The following GRIK5 variants were observed in gnomAD, a reference collection of about 807,000 sequenced individuals.
GRIK5 encodes glutamate receptor ionotropic, kainate 5.
Under a neutral mutation model 97.4 loss-of-function variants are expected in GRIK5, and 43 were observed. The ratio of observed to expected loss-of-function variants is 0.44; its 90% confidence interval spans 0.35 to 0.57. The LOEUF (loss-of-function observed/expected upper bound fraction) is 0.57. GRIK5 is among the 20% of genes least tolerant of loss of function. GRIK5 has a pLI of 0.01. For synonymous variants in GRIK5, 580 were observed against 583.5 expected (o/e 0.99, Z 0.09); for missense variants, 1,015 against 1,382.0 (o/e 0.73, Z 4.21).
chr19:42,019,424 T>A (rs1218674452), intron 15 of GRIK5, among the ~76,000 whole-genome samples: 1 of 152,224 alleles, frequency 6.6e-6, no homozygotes. Context: ...ATAGCACATT[T>A]TATGTGCATC....
rs771704432 is a variant in GRIK5 at position 42,065,339 on chromosome 19, G to A, written c.128C>T (p.Ala43Val). ...GATCTGCTCCCGGGCCAAGGCCAAG[G>A]CCAGACGCTCACCGCGGCCACACAC... is the stretch of plus-strand genomic sequence containing the variant. ...QTVCGRGERL[A>V]LALAREQING... Residue 43 changes from alanine to valine, a missense_variant, in exon 3 of 20, where the codon GCC (alanine) becomes GTC (valine). This residue lies in a region of GRIK5 where 198 missense variants were observed against 218.2 expected (regional missense o/e 0.91). Transcript: ENST00000593562. The surrounding 1 kb of genome is among the most constrained non-coding windows in gnomAD (Gnocchi z 5.8). The A allele has an allele frequency of 2.5e-6, 4 of 1,609,062 alleles. No homozygotes were observed. Among genetic ancestry groups the A allele is most frequent in the Non-Finnish European group, 3.4e-6 (4 of 1,177,768 alleles).
rs2075404020 is a variant in GRIK5, at chr19:41,999,109, G to A, written c.2705C>T (p.Ala902Val). 2.2e-6 allele frequency: 3 copies of A among 1,385,352 alleles called. No homozygotes were observed. Among genetic ancestry groups the A allele is most frequent in the Non-Finnish European group, 9.3e-7 (1 of 1,075,410 alleles). The allele number at this position is 1,385,352 out of a possible 1,614,324, so 85.8% of individuals were successfully genotyped here. ...SAGAGGDAGS[A>V]HGGPQRLLDD... Reference sequence around the variant, plus strand: ...CAGGAGGCGCTGCGGGCCCCCGTGCGCGCTGCCCGCATCCCCGCCCGCGCC... The same window carrying A: ...CAGGAGGCGCTGCGGGCCCCCGTGCACGCTGCCCGCATCCCCGCCCGCGCC... Residue 902 changes from alanine to valine, a missense_variant, in exon 20 of 20, where the codon GCG becomes GTG. Around this residue, in one of 5 missense-constraint regions of GRIK5, gnomAD observed 229 missense variants for 341.0 expected, o/e 0.67. Coordinates refer to ENST00000593562, the MANE Select transcript of GRIK5 (RefSeq NM_002088.5). The surrounding 1 kb of genome is among the most constrained non-coding windows in gnomAD (Gnocchi z 5.0).
intron 11 of GRIK5, 134 bp downstream of exon 11, chr19:42,053,468 T>G: frequency 1.6e-6 from 1 of 626,498 alleles, no homozygotes; most frequent in East Asian, 2.7e-5. Flanking sequence ...CAACCTGGAG[T>G]TGCTGCGTGC....
chr19:42,064,816 C>T (rs1305196456), intron 3 of GRIK5, among the ~76,000 whole-genome samples: 3 of 152,174 alleles, frequency 2.0e-5, no homozygotes, highest in South Asian at 2.1e-4. Flanking sequence ...CTTGGAGCCA[C>T]GCCACTCTTT....
chr19:42,058,843 A>G (rs1354074764), intron 6 of GRIK5, among the ~76,000 whole-genome samples: 2 of 151,922 alleles, frequency 1.3e-5, no homozygotes, highest in Non-Finnish European at 2.9e-5. Context: ...AAAAAAAAGA[A>G]AAAAGAAAAA....
intron 1 of GRIK5, 86 bp downstream of exon 1, chr19:42,069,155 A>C: frequency 2.5e-6 from 1 of 396,396 alleles, no homozygotes; most frequent in Non-Finnish European, 4.5e-6. Context: ...AACGGGGAGA[A>C]TGTGGTGCCC....
intron 15 of GRIK5, among the ~76,000 whole-genome samples, chr19:42,007,132 T>A (rs1332053530): frequency 1.3e-5 from 2 of 151,880 alleles, no homozygotes; most frequent in East Asian, 3.9e-4. Flanking sequence ...TCTTGCTTTG[T>A]CAGCCAGGAT....
At chr19:42,023,762 A>G (rs1020136300) in intron 12 of GRIK5, among the ~76,000 whole-genome samples, 1 of 151,920 alleles carries the variant, frequency 6.6e-6, no homozygotes, top group Non-Finnish European at 1.5e-5. Flanking sequence ...CTACAACTCC[A>G]CCACCCGGGC....
rs142752322 is a variant in GRIK5, at chr19:42,003,235, A to C, written c.2514+97T>G. On this transcript the variant is annotated intron_variant, in intron 19 of 19. Transcript: ENST00000593562. The surrounding 1 kb of genome is among the most constrained non-coding windows in gnomAD (Gnocchi z 4.2). ...CCTCTGCCCCCTTCTCGCGATCCCCACCACCCTCCAGGTATGGCTCCCAAT... is the reference window on the plus strand; with the variant it reads ...CCTCTGCCCCCTTCTCGCGATCCCCCCCACCCTCCAGGTATGGCTCCCAAT... The C allele has an allele frequency of 7.8e-6, 9 of 1,151,106 alleles. No individual in the cohort carries two copies. The highest frequency in any genetic ancestry group is 1.9e-5 in the Admixed American group (1 of 53,708). The allele number at this position is 1,151,106 out of a possible 1,614,324, so 71.3% of individuals were successfully genotyped here. A position where few individuals can be genotyped will look rare whatever the true frequency, so the allele number is the denominator to read the frequency against.
intron 15 of GRIK5, among the ~76,000 whole-genome samples, chr19:42,009,044 T>C (rs528368283): frequency 2.0e-5 from 3 of 151,964 alleles, no homozygotes; most frequent in South Asian, 4.2e-4. Flanking sequence ...CTGGTCAACA[T>C]AGCCAGACCC....
At chr19:42,001,909 C>G in intron 19 of GRIK5, 1 of 564,288 alleles carries the variant, frequency 1.8e-6, no homozygotes, top group Non-Finnish European at 3.1e-6. Flanking sequence ...TGGAGAAAGA[C>G]CGAGAAGAGA....
At chr19:42,005,983 G>A in intron 16 of GRIK5, 35 bp from the exon 17 acceptor site, 1 of 1,092,026 alleles carries the variant, frequency 9.2e-7, no homozygotes, top group Non-Finnish European at 1.4e-6. Context: ...AGATGGGAGG[G>A]TCTTTCCAGC....
Position 42,006,716 on chromosome 19 carries a change from C to T in GRIK5, c.1966G>A (p.Asp656Asn), listed in dbSNP as rs868912912. Residue 656 changes from aspartate (D) to asparagine (N), a missense_variant, in exon 16 of 20, where the codon GAT becomes AAT. Asp to Asn is a conservative substitution (Grantham distance 23). Around this residue, in one of 5 missense-constraint regions of GRIK5, gnomAD observed 477 missense variants for 701.1 expected, o/e 0.68. Transcript: ENST00000593562. The surrounding 1 kb of genome is among the most constrained non-coding windows in gnomAD (Gnocchi z 5.3). ...QRMEVPVESA[D>N]DLADQTNIEY... The stretch of plus-strand genomic sequence containing the variant: ...ATGTTGGTCTGATCTGCCAGGTCAT[C>T]GGCCGACTCCACAGGCACCTCCATG... 4 of 1,614,002 alleles carry T rather than the reference C, an allele frequency of 2.5e-6. No homozygotes were observed. Among genetic ancestry groups the T allele is most frequent in the Admixed American group, 1.7e-5 (1 of 60,028 alleles).
At chr19:42,056,593 T>C (rs1568926051) in intron 8 of GRIK5, 69 bp downstream of exon 8, 2 of 1,387,232 alleles carry the variant, frequency 1.4e-6, no homozygotes, top group Non-Finnish European at 2.0e-6. Flanking sequence ...CTGAGTGAGG[T>C]CTGAAAGGGG....
intron 11 of GRIK5, among the ~76,000 whole-genome samples, chr19:42,044,650 G>T (rs559981724): frequency 6.5e-4 from 99 of 152,284 alleles, no homozygotes; most frequent in African/African-American, 2.2e-3. Context: ...AAGAGCTTTG[G>T]TTAAAATATA....
chr19:42,062,954 C>A lies in GRIK5; in HGVS notation c.245-99G>T. The A allele has an allele frequency of 1.2e-6, 1 of 858,456 alleles. No individual in the cohort carries two copies. Among genetic ancestry groups the A allele is most frequent in the South Asian group, 1.4e-5 (1 of 69,526 alleles). The allele number at this position is 858,456 out of a possible 1,614,324, so 53.2% of individuals were successfully genotyped here. A position where few individuals can be genotyped will look rare whatever the true frequency, so the allele number is the denominator to read the frequency against. ...CGCCATGGCCCAGGAGAGGATCAGA[C>A]ACTGGCAACTGCCTGATCCTCTTCT... On this transcript the variant is annotated intron_variant, in intron 3 of 19. Coordinates refer to ENST00000593562, the MANE Select transcript of GRIK5 (RefSeq NM_002088.5). The surrounding 1 kb of genome is among the most constrained non-coding windows in gnomAD (Gnocchi z 5.3).
At position 42,002,567 on chromosome 19, in the gene GRIK5, C is replaced by A; in HGVS notation, c.2514+765G>T. On this transcript the variant is annotated intron_variant, in intron 19 of 19. Coordinates refer to ENST00000593562, the MANE Select transcript of GRIK5 (RefSeq NM_002088.5). The surrounding 1 kb of genome is among the most constrained non-coding windows in gnomAD (Gnocchi z 5.2). ...GGGGTCTGGGGAGTAGATGTAAGGTCAGCCGCTGGATGTGAGGAGGGGGAG... is the reference window on the plus strand; with the variant it reads ...GGGGTCTGGGGAGTAGATGTAAGGTAAGCCGCTGGATGTGAGGAGGGGGAG... The A allele has an allele frequency of 1.5e-6, 1 of 658,356 alleles. No individual in the cohort carries two copies. The highest frequency in any genetic ancestry group is 1.8e-5 in the South Asian group (1 of 56,774). The allele number at this position is 658,356 out of a possible 1,614,324, so 40.8% of individuals were successfully genotyped here.
chr19:42,015,423 T>G (rs1479726606), intron 15 of GRIK5, among the ~76,000 whole-genome samples: 1 of 152,162 alleles, frequency 6.6e-6, no homozygotes, highest in African/African-American at 2.4e-5. Context: ...CTCAATAAAT[T>G]TAAAAGGATT....
chr19:42,046,797 G>T (rs1487884749), intron 11 of GRIK5, among the ~76,000 whole-genome samples: 1 of 152,248 alleles, frequency 6.6e-6, no homozygotes, highest in South Asian at 2.1e-4. Context: ...ACCCAGGGAA[G>T]GAAGGAAACT....
Sources: gnomAD v4.1 joint callset for allele counts (sites outside exome capture counted in the v4.1 genomes callset) on GRCh38, gnomAD v4.1.1 for gene constraint, gnomAD v4.1.1 regional missense constraint, Gnocchi (gnomAD v3.1) non-coding constraint, MANE v1.5 for transcripts, NCBI Gene and HGNC (gene_info 2026-07-23, HGNC 2026-07-21) for gene names.